Variants in RSPH9 observed in about 807,000 individuals in gnomAD.
RSPH9 encodes radial spoke head protein 9 homolog.
In RSPH9, 27 loss-of-function variants were observed where a neutral mutation model predicts 27.0. The ratio of observed to expected loss-of-function variants is 1.00; its 90% CI spans 0.74 to 1.38. The LOEUF (loss-of-function observed/expected upper bound fraction) is 1.38. Ranked by LOEUF, RSPH9 falls within the 40% of genes most tolerant of loss-of-function variation. The pLI is 0.00. For missense variants in RSPH9, 347 were observed against 357.4 expected (o/e 0.97, Z 0.24); for synonymous variants, 145 against 147.7 (o/e 0.98, Z 0.13).
Position 43,645,045 on chromosome 6 carries a change from T to C in RSPH9, c.-54T>C. ...GGAAGGGCGGAGCTTCAGGTCTCCA[T>C]GGAGGCGGCTTCTCCTAGCAACTCG... On this transcript the variant is annotated 5_prime_UTR_variant, in exon 1 of 5. It removes an upstream start codon present in the reference 5' UTR. Transcript: ENST00000372163. 2.7e-6 allele frequency: 4 copies of C among 1,499,116 alleles called. No homozygotes were observed. The highest frequency in any genetic ancestry group is 3.7e-6 in the Non-Finnish European group (4 of 1,087,422). The allele number at this position is 1,499,116 out of a possible 1,614,324, so 92.9% of individuals were successfully genotyped here. A position where few individuals can be genotyped will look rare whatever the true frequency, so the allele number is the denominator to read the frequency against.
rs987473406 is a variant in RSPH9 at position 43,655,752 on chromosome 6, A to G, written c.523+61A>G. On this transcript the variant is annotated intron_variant, in intron 3 of 4. Transcript: ENST00000372163. ...TATCTTTTCCCAAGCACAGTAGAAC[A>G]TATGTCTGGGAGTCCAGCAGGGGGG... is the stretch of plus-strand genomic sequence containing the variant. 7.5e-6 allele frequency: 12 copies of G among 1,590,062 alleles called. No individual in the cohort carries two copies. The Admixed American group carries it at 1.5e-4, about 20-fold the overall frequency.
rs1488706882 is a variant in RSPH9, at chr6:43,661,389, G to A, written c.670+4666G>A. ...AAGTCCTAGATGTTTGGCTGGGTGCGGTGGCTCACGCCTGTCATCTCAACA... is the reference window on the plus strand; with the variant it reads ...AAGTCCTAGATGTTTGGCTGGGTGCAGTGGCTCACGCCTGTCATCTCAACA... On this transcript the variant is annotated intron_variant, in intron 4 of 4. Coordinates refer to ENST00000372163, the MANE Select transcript of RSPH9 (RefSeq NM_152732.5). Among the ~76,000 whole-genome samples the A allele has an allele frequency of 5.3e-5, 8 of 152,236 alleles. No individual in the cohort carries two copies. The South Asian group carries it at 6.2e-4, about 12-fold the overall frequency.
At position 43,671,231 on chromosome 6, in the gene RSPH9, CGA is replaced by C. The variant is rs1052001427; in HGVS notation, c.*286_*287del. 7.3e-6 allele frequency: 4 copies of C among 548,310 alleles called. No homozygotes were observed. The Admixed American group carries it at 9.3e-5, about 13-fold the overall frequency. 34.0% of individuals were successfully genotyped at this position (548,310 alleles called of 1,614,324 possible). A position where few individuals can be genotyped will look rare whatever the true frequency, so the allele number is the denominator to read the frequency against. On this transcript the variant is annotated 3_prime_UTR_variant, in exon 5 of 5. Coordinates refer to ENST00000372163, the MANE Select transcript of RSPH9 (RefSeq NM_152732.5). ...AGGAACGCAGTTTCTTGGATTCACA[CGA>C]GAGCGGCAAGTGTGTCAGGCAGCCC... is the stretch of plus-strand genomic sequence containing the variant.
At chr6:43,658,095 G>C (rs996247118) in intron 4 of RSPH9, among the ~76,000 whole-genome samples, 1 of 152,104 alleles carries the variant, frequency 6.6e-6, no homozygotes, top group Non-Finnish European at 1.5e-5. Context: ...TTCGAGACCA[G>C]TCTGGCCAAC....
At position 43,672,490 on chromosome 6, in the gene RSPH9, C is replaced by A. The variant is rs553403051; in HGVS notation, c.*1541C>A. ...GGGAAAGATGGCTGCCGCCCATGGA[C>A]CTTTGGCCTCCTTTGGGGATGGCCA... On this transcript the variant is annotated 3_prime_UTR_variant, in exon 5 of 5. Transcript: ENST00000372163. The A allele has an allele frequency of 2.1e-6, 1 of 465,884 alleles. No individual in the cohort carries two copies. Among genetic ancestry groups the A allele is most frequent in the South Asian group, 1.6e-5 (1 of 64,330 alleles). The allele number at this position is 465,884 out of a possible 1,614,324, so 28.9% of individuals were successfully genotyped here.
chr6:43,670,672 C>A, intron 4 of RSPH9, 117 bp from the exon 5 acceptor site: 2 of 789,790 alleles, frequency 2.5e-6, no homozygotes, highest in South Asian at 1.6e-5. Flanking sequence ...ATGGTCTCTC[C>A]CCAGTGGAAC....
intron 2 of RSPH9, among the ~76,000 whole-genome samples, chr6:43,655,064 T>C (rs73428672): frequency 0.025 from 3,811 of 152,220 alleles, 167 homozygotes; most frequent in African/African-American, 0.084. Context: ...GAAGAAAGTA[T>C]ACCAATATGT....
chr6:43,649,011 C>T (rs1197334395), intron 1 of RSPH9, among the ~76,000 whole-genome samples: 1 of 151,834 alleles, frequency 6.6e-6, no homozygotes, highest in East Asian at 1.9e-4. Flanking sequence ...GCACAGTGGG[C>T]TGAAGAGTGA....
At chr6:43,666,577 C>A in intron 4 of RSPH9, 1 of 1,162,216 alleles carries the variant, frequency 8.6e-7, no homozygotes, top group Non-Finnish European at 1.2e-6. Context: ...GACACCTTGG[C>A]TGAAGAGAGG....
intron 2 of RSPH9, among the ~76,000 whole-genome samples, chr6:43,653,177 C>A (rs758869044): frequency 3.3e-5 from 5 of 152,136 alleles, no homozygotes; most frequent in Non-Finnish European, 5.9e-5. Context: ...TATAGCTGGG[C>A]ATGGTGGCTC....
chr6:43,648,276 A>C (rs1201296466), intron 1 of RSPH9, among the ~76,000 whole-genome samples: 1 of 152,214 alleles, frequency 6.6e-6, no homozygotes, highest in East Asian at 1.9e-4. Context: ...TCTCAAAAAA[A>C]AAAAAAAGAA....
intron 1 of RSPH9, among the ~76,000 whole-genome samples, chr6:43,647,898 A>T (rs1771046716): frequency 1.3e-5 from 2 of 152,192 alleles, no homozygotes; most frequent in Admixed American, 1.3e-4. Context: ...TTCAGGGGGC[A>T]GGGAACGGAA....
chr6:43,648,668 A>AG (rs1239595708), intron 1 of RSPH9, among the ~76,000 whole-genome samples: 5 of 152,142 alleles, frequency 3.3e-5, no homozygotes, highest in African/African-American at 1.2e-4. Context: ...ACTAGTCCAA[A>AG]GGGGGAATAG....
At position 43,656,070 on chromosome 6, in the gene RSPH9, TTCCC is replaced by T. The variant is rs569444964; in HGVS notation, c.523+397_523+400del. Among the ~76,000 whole-genome samples the T allele has an allele frequency of 3.9e-3, 548 of 139,302 alleles. 5 individuals carry two copies. The highest frequency in any genetic ancestry group is 0.011 in the African/African-American group (396 of 35,942). The allele number at this position is 139,302 out of a possible 152,430, so 91.4% of individuals were successfully genotyped here. A position where few individuals can be genotyped will look rare whatever the true frequency, so the allele number is the denominator to read the frequency against. On this transcript the variant is annotated intron_variant, in intron 3 of 4. Coordinates refer to ENST00000372163, the MANE Select transcript of RSPH9 (RefSeq NM_152732.5). The stretch of plus-strand genomic sequence containing the variant: ...TCCCTTCTTTCCCTTCTTTCCCTCC[TTCCC>T]TCCCTCCCTCCCTCCCTTTGTTTCT...
chr6:43,653,163 A>G (rs1028587958), intron 2 of RSPH9, among the ~76,000 whole-genome samples: 3 of 152,098 alleles, frequency 2.0e-5, no homozygotes, highest in African/African-American at 7.2e-5. Context: ...ATAATAAATG[A>G]CCATATAGCT....
chr6:43,659,244 T>TG (rs1009347674), intron 4 of RSPH9, among the ~76,000 whole-genome samples: 2 of 150,594 alleles, frequency 1.3e-5, no homozygotes, highest in Non-Finnish European at 2.9e-5. Flanking sequence ...TTTTTGGAGA[T>TG]GGAGTCTCGC....
Position 43,647,295 on chromosome 6 carries a change from A to G in RSPH9, c.227+1970A>G, listed in dbSNP as rs1770988298. On this transcript the variant is annotated intron_variant, in intron 1 of 4. Transcript: ENST00000372163. The stretch of plus-strand genomic sequence containing the variant: ...GAACTGGTTCTAGAGGCAAAAGGAT[A>G]TGGGTCTTTGTTCATAGGCCATGAG... 1.3e-5 allele frequency among the ~76,000 whole-genome samples: 2 copies of G among 152,100 alleles called. 1 individual carries two copies. The highest frequency in any genetic ancestry group is 2.9e-5 in the Non-Finnish European group (2 of 68,020).
At chr6:43,657,750 C>T (rs1358920683) in intron 4 of RSPH9, among the ~76,000 whole-genome samples, 3 of 152,110 alleles carry the variant, frequency 2.0e-5, no homozygotes, top group African/African-American at 7.2e-5. Context: ...CATGCAAATC[C>T]CTCCATTTCC....
At position 43,645,340 on chromosome 6, in the gene RSPH9, G is replaced by A. The variant is rs762510566; in HGVS notation, c.227+15G>A. ...ACGCTCTATAGGTGAGGAGGCCCCC[G>A]GGACGGGCTCCCCAGAGGGTGGCTA... On this transcript the variant is annotated intron_variant, in intron 1 of 4. Coordinates refer to ENST00000372163, the MANE Select transcript of RSPH9 (RefSeq NM_152732.5). 2 of 1,605,874 alleles carry A rather than the reference G, an allele frequency of 1.2e-6. No homozygotes were observed. Among genetic ancestry groups the A allele is most frequent in the Non-Finnish European group, 1.7e-6 (2 of 1,175,102 alleles).
Sources: gnomAD v4.1 joint callset for allele counts (sites outside exome capture counted in the v4.1 genomes callset) on GRCh38, gnomAD v4.1.1 for gene constraint, MANE v1.5 for transcripts, NCBI Gene and HGNC (gene_info 2026-07-23, HGNC 2026-07-21) for gene names.